SKAP2: variants seen among roughly 807,000 people sequenced by gnomAD.
SKAP2 encodes src kinase-associated phosphoprotein 2.
A neutral mutation model predicts 54.9 loss-of-function variants in SKAP2; 28 were observed. The ratio of observed to expected loss-of-function variants is 0.51; its 90% confidence interval spans 0.38 to 0.70. The LOEUF is 0.70. Ranked by LOEUF, SKAP2 falls within the 30% of genes least tolerant of loss-of-function variation. The pLI is 0.00. For synonymous variants in SKAP2, 137 were observed against 134.3 expected, an observed-to-expected ratio of 1.02 and a Z score of -0.14; for missense variants, 356 against 424.1, an observed-to-expected ratio of 0.84 and a Z score of 1.41.
chr7:26,802,499 G>C (rs141373626), intron 4 of SKAP2, among the ~76,000 whole-genome samples: 1 of 151,926 alleles, frequency 6.6e-6, no homozygotes, highest in Admixed American at 6.5e-5. Flanking sequence ...TCGAGCTCCC[G>C]ACCTCAGGTG....
chr7:26,760,628 G>T (rs1782906693), intron 4 of SKAP2, among the ~76,000 whole-genome samples: 1 of 152,056 alleles, frequency 6.6e-6, no homozygotes, highest in African/African-American at 2.4e-5. Context: ...AAGTGAATGT[G>T]GCCTCTCTCA....
intron 4 of SKAP2, among the ~76,000 whole-genome samples, chr7:26,768,353 CT>C (rs1305249579): frequency 6.8e-6 from 1 of 148,070 alleles, no homozygotes; most frequent in Non-Finnish European, 1.5e-5. Context: ...CTATTTGTGT[CT>C]TTACATGTGA....
At chr7:26,861,344 A>G (rs1197775451) in intron 1 of SKAP2, among the ~76,000 whole-genome samples, 1 of 152,144 alleles carries the variant, frequency 6.6e-6, no homozygotes, top group African/African-American at 2.4e-5. Flanking sequence ...TTTGATTTCA[A>G]TTATCCAGGC....
intron 10 of SKAP2, among the ~76,000 whole-genome samples, chr7:26,687,076 G>C (rs932921058): frequency 6.6e-6 from 1 of 151,738 alleles, no homozygotes; most frequent in Non-Finnish European, 1.5e-5. Flanking sequence ...GATTCTCAAA[G>C]GGGAGGGGAG....
intron 4 of SKAP2, chr7:26,742,231 A>G (rs1782470153): frequency 1.3e-5 from 2 of 152,214 alleles, no homozygotes; most frequent in Non-Finnish European, 2.9e-5. Flanking sequence ...ATTAAGGGGT[A>G]GTCCCACAAC....
At chr7:26,777,372 CA>C (rs561013612) in intron 4 of SKAP2, among the ~76,000 whole-genome samples, 2 of 151,338 alleles carry the variant, frequency 1.3e-5, no homozygotes, top group South Asian at 2.1e-4. Context: ...TAAATGGGGA[CA>C]AAAAAGAGGA....
chr7:26,703,702 G>T (rs992235851), intron 9 of SKAP2, among the ~76,000 whole-genome samples: 19 of 152,110 alleles, frequency 1.2e-4, no homozygotes, highest in Non-Finnish European at 2.8e-4. Context: ...ACACAAATCT[G>T]CATAGCAGAT....
At chr7:26,664,728 G>GAAAAAAA (rs372243207), downstream of SKAP2, among the ~76,000 whole-genome samples, 1 of 111,102 alleles carries the variant, frequency 9.0e-6, no homozygotes, top group Non-Finnish European at 1.9e-5. Context: ...AAACTGAAAA[G>GAAAAAAA]AAAAAAAAAA....
At chr7:26,794,986 C>A (rs1206638544) in intron 4 of SKAP2, among the ~76,000 whole-genome samples, 1 of 152,196 alleles carries the variant, frequency 6.6e-6, no homozygotes, top group Admixed American at 6.5e-5. Flanking sequence ...AACCTGGTGC[C>A]TTCCCTATTG....
chr7:26,678,369 G>T (rs190463245), intron 11 of SKAP2, among the ~76,000 whole-genome samples: 1 of 151,792 alleles, frequency 6.6e-6, no homozygotes, highest in Non-Finnish European at 1.5e-5. Flanking sequence ...CTTCCAAAGA[G>T]AATCTTATCT....
chr7:26,726,500 C>T (rs530964237), intron 7 of SKAP2, among the ~76,000 whole-genome samples: 144 of 152,194 alleles, frequency 9.5e-4, no homozygotes, highest in Middle Eastern at 3.4e-3. Context: ...CTCCCACACT[C>T]CTAAGCAATA....
chr7:26,716,532 C>T (rs547346038), intron 9 of SKAP2, among the ~76,000 whole-genome samples: 5 of 152,242 alleles, frequency 3.3e-5, no homozygotes, highest in Non-Finnish European at 7.4e-5. Flanking sequence ...TAGTGCTAGA[C>T]TTTTAAAAAT....
At chr7:26,822,324 A>G (rs7785798) in intron 4 of SKAP2, among the ~76,000 whole-genome samples, 32,218 of 152,126 alleles carry the variant, frequency 0.21, 3,486 homozygotes, top group Non-Finnish European at 0.24. Flanking sequence ...TCTGTGTCAC[A>G]TTTTGGTAAT....
At chr7:26,659,870 AC>A in the SKAP2 span, among the ~76,000 whole-genome samples, 2 of 152,120 alleles carry the variant, frequency 1.3e-5, no homozygotes, top group Admixed American at 1.3e-4. Context: ...TAGAAAGACA[AC>A]CTTTAATCAC....
intron 4 of SKAP2, among the ~76,000 whole-genome samples, chr7:26,813,525 T>C (rs1047983206): frequency 2.0e-5 from 3 of 152,250 alleles, no homozygotes; most frequent in Non-Finnish European, 4.4e-5. Flanking sequence ...TAAAGGACTA[T>C]GGGTTGTGCA....
At chr7:26,751,707 T>C (rs1782686994) in intron 4 of SKAP2, among the ~76,000 whole-genome samples, 1 of 152,306 alleles carries the variant, frequency 6.6e-6, no homozygotes, top group South Asian at 2.1e-4. Context: ...GGTTTTTCCA[T>C]AACTCTTTTT....
At chr7:26,860,189 A>G (rs889182043) in intron 1 of SKAP2, among the ~76,000 whole-genome samples, 1 of 152,214 alleles carries the variant, frequency 6.6e-6, no homozygotes, top group Admixed American at 6.5e-5. Context: ...CGTAGTATCA[A>G]GAGCCTTATA....
At chr7:26,657,734 C>T in the SKAP2 span, among the ~76,000 whole-genome samples, 4 of 117,826 alleles carry the variant, frequency 3.4e-5, no homozygotes, top group Non-Finnish European at 6.7e-5. Flanking sequence ...AAAAAATCCC[C>T]GCCCCCCCCG....
At chr7:26,833,677 C>T (rs1334775690) in intron 4 of SKAP2, among the ~76,000 whole-genome samples, 1 of 152,104 alleles carries the variant, frequency 6.6e-6, no homozygotes, top group Non-Finnish European at 1.5e-5. Flanking sequence ...GCTAACTATC[C>T]TAAATATATA....
Sources: allele counts gnomAD v4.1 joint callset (sites outside exome capture counted in the v4.1 genomes callset), GRCh38; gene constraint gnomAD v4.1.1; transcripts MANE v1.5; gene names NCBI Gene and HGNC (gene_info 2026-07-23, HGNC 2026-07-21).